The following CDYL2 variants were observed in gnomAD, a reference collection of about 807,000 sequenced individuals.
The protein encoded by CDYL2 is chromodomain Y like 2.
In CDYL2, 23 loss-of-function variants were observed where a neutral mutation model predicts 49.4. The observed-to-expected ratio is 0.47, with a 90% confidence interval of 0.34 to 0.66. CDYL2 has a LOEUF of 0.66. Among genes scored for constraint, CDYL2 ranks in the 30% least tolerant of loss-of-function variants. The pLI, the probability that CDYL2 is intolerant of heterozygous loss-of-function variation, is 0.01. For missense variants in CDYL2, 678 were observed against 656.4 expected, an observed-to-expected ratio of 1.03 and a Z score of -0.36; for synonymous variants, 360 against 268.8, an observed-to-expected ratio of 1.34 and a Z score of -3.32.
chr16:80,615,415 A>G (rs562261224), intron 4 of CDYL2, among the ~76,000 whole-genome samples: 58 of 152,196 alleles, frequency 3.8e-4, no homozygotes, highest in African/African-American at 1.3e-3. Context: ...CAGAGGTGGG[A>G]AGGACTTTAG....
At chr16:80,613,857 T>C (rs771340603) in intron 4 of CDYL2, among the ~76,000 whole-genome samples, 1 of 152,210 alleles carries the variant, frequency 6.6e-6, no homozygotes, top group Non-Finnish European at 1.5e-5. Context: ...CAAATGCCCA[T>C]TACGTTGGTC....
At chr16:80,707,244 C>T (rs755672397) in intron 1 of CDYL2, among the ~76,000 whole-genome samples, 15 of 152,168 alleles carry the variant, frequency 9.9e-5, no homozygotes, top group Non-Finnish European at 1.9e-4. Flanking sequence ...GACAGGACTG[C>T]TTGAGGCCAG....
intron 1 of CDYL2, among the ~76,000 whole-genome samples, chr16:80,795,711 T>C (rs1240232803): frequency 1.3e-5 from 2 of 152,140 alleles, no homozygotes; most frequent in African/African-American, 4.8e-5. Context: ...AGCACCACCA[T>C]GCCTGCCATC....
chr16:80,738,885 C>T (rs140359022), intron 1 of CDYL2: 2 of 152,138 alleles, frequency 1.3e-5, no homozygotes, highest in East Asian at 3.9e-4. Flanking sequence ...ATTTCTAATT[C>T]TTGTGAAAAT....
intron 2 of CDYL2, among the ~76,000 whole-genome samples, chr16:80,646,078 G>A (rs977509479): frequency 8.6e-5 from 13 of 151,344 alleles, no homozygotes; most frequent in South Asian, 4.2e-4. Context: ...CCAACATGGC[G>A]CATGTATACA....
intron 1 of CDYL2, among the ~76,000 whole-genome samples, chr16:80,720,068 C>A (rs1244174861): frequency 6.6e-6 from 1 of 152,162 alleles, no homozygotes; most frequent in African/African-American, 2.4e-5. Flanking sequence ...AGTGGTCGAG[C>A]AAATAATATT....
intron 1 of CDYL2, among the ~76,000 whole-genome samples, chr16:80,780,936 T>C (rs1907243752): frequency 6.6e-6 from 1 of 152,166 alleles, no homozygotes. Context: ...TTCAAAAAAA[T>C]GGCTCAATCT....
intron 1 of CDYL2, among the ~76,000 whole-genome samples, chr16:80,732,971 T>G (rs561794659): frequency 1.3e-5 from 2 of 152,104 alleles, no homozygotes; most frequent in South Asian, 4.1e-4. Context: ...TCATTATCTA[T>G]TTAGTGTCCC....
chr16:80,624,404 A>G lies in CDYL2; in HGVS notation c.835-3469T>C, dbSNP rs116340736. The stretch of plus-strand genomic sequence containing the variant: ...TGAAGTTCTGAGTTACCACACCCAC[A>G]TGGGGAAGAATCCACAAGATAAAAA... On this transcript the variant is annotated intron_variant, in intron 3 of 6. Transcript: ENST00000570137. 5.1e-3 allele frequency among the ~76,000 whole-genome samples: 777 copies of G among 152,336 alleles called. 3 individuals carry two copies. The highest frequency in any genetic ancestry group is 0.018 in the African/African-American group (729 of 41,572).
chr16:80,731,541 A>G (rs759252655), intron 1 of CDYL2, among the ~76,000 whole-genome samples: 4 of 152,226 alleles, frequency 2.6e-5, no homozygotes, highest in Admixed American at 1.3e-4. Flanking sequence ...CCCAGCACAT[A>G]TCCCTATAAA....
Position 80,600,568 on chromosome 16 carries a change from T to A in CDYL2, c.*3820A>T, listed in dbSNP as rs1449160000. ...AAATAAAATACTTAAGAAATCTCAT[T>A]TAGAGTCTTAAATACTGTGTATATT... On this transcript the variant is annotated 3_prime_UTR_variant, in exon 7 of 7. Transcript: ENST00000570137. 3 of 152,158 alleles carry A rather than the reference T, an allele frequency of 2.0e-5. No homozygotes were observed. Among genetic ancestry groups the A allele is most frequent in the Non-Finnish European group, 4.4e-5 (3 of 68,032 alleles). The allele number at this position is 152,158 out of a possible 1,614,324, so 9.4% of individuals were successfully genotyped here. A position where few individuals can be genotyped will look rare whatever the true frequency, so the allele number is the denominator to read the frequency against.
chr16:80,695,230 C>G (rs1007744459), intron 1 of CDYL2, among the ~76,000 whole-genome samples: 23 of 152,206 alleles, frequency 1.5e-4, no homozygotes, highest in Admixed American at 2.6e-4. Flanking sequence ...GAGTTGTTGT[C>G]ACACAGAGTG....
intron 1 of CDYL2, among the ~76,000 whole-genome samples, chr16:80,775,320 G>A (rs1199241679): frequency 6.6e-6 from 1 of 151,624 alleles, no homozygotes; most frequent in African/African-American, 2.4e-5. Flanking sequence ...AATGCTTAAG[G>A]AAGTAGGTAT....
intron 1 of CDYL2, among the ~76,000 whole-genome samples, chr16:80,715,476 C>T (rs1186179835): frequency 6.6e-6 from 1 of 152,164 alleles, no homozygotes; most frequent in African/African-American, 2.4e-5. Context: ...AATGTCTTTG[C>T]AAGACATTTA....
rs371781974 is a variant in CDYL2 at position 80,761,881 on chromosome 16, T to TAAA, written c.24+42266_24+42268dup. Among the ~76,000 whole-genome samples the TAAA allele has an allele frequency of 2.1e-3, 262 of 122,504 alleles. 4 individuals are homozygous for TAAA. The East Asian group carries it at 0.043, about 20-fold the overall frequency. The allele number at this position is 122,504 out of a possible 152,430, so 80.4% of individuals were successfully genotyped here. A position where few individuals can be genotyped will look rare whatever the true frequency, so the allele number is the denominator to read the frequency against. On this transcript the variant is annotated intron_variant, in intron 1 of 6. Transcript: ENST00000570137. ...TGTTCAATCTAATAAAGGAGAAAAT[T>TAAA]AAAAAAAAAAAAAAAAACAAAGACT... is the stretch of plus-strand genomic sequence containing the variant.
intron 2 of CDYL2, among the ~76,000 whole-genome samples, chr16:80,638,463 G>C (rs1907938377): frequency 1.3e-5 from 2 of 152,132 alleles, no homozygotes; most frequent in Admixed American, 1.3e-4. Context: ...AAGCTATTTT[G>C]TAGATATTGG....
intron 2 of CDYL2, among the ~76,000 whole-genome samples, chr16:80,652,871 T>C (rs553442382): frequency 3.5e-4 from 54 of 152,208 alleles, no homozygotes; most frequent in African/African-American, 1.2e-3. Flanking sequence ...CAAAACTCTT[T>C]TTACGACCAT....
intron 1 of CDYL2, among the ~76,000 whole-genome samples, chr16:80,801,011 G>T (rs866189789): frequency 6.6e-6 from 1 of 152,192 alleles, no homozygotes; most frequent in African/African-American, 2.4e-5. Context: ...CCATCTAAAA[G>T]TGTTCAAATC....
intron 2 of CDYL2, chr16:80,639,622 A>G (rs759422715): frequency 4.0e-5 from 18 of 451,842 alleles, no homozygotes; most frequent in South Asian, 2.8e-4. Context: ...CTGTCTACAC[A>G]CAAAAAAAAA....
Sources: gnomAD v4.1 joint callset for allele counts (sites outside exome capture counted in the v4.1 genomes callset) on GRCh38, gnomAD v4.1.1 for gene constraint, MANE v1.5 for transcripts, NCBI Gene and HGNC (gene_info 2026-07-23, HGNC 2026-07-21) for gene names.